The following ARHGEF7 variants were observed in gnomAD, a reference collection of about 807,000 sequenced individuals.
ARHGEF7 encodes the protein PAK-interacting exchange factor beta.
ARHGEF7 carries 33 observed loss-of-function variants against 109.8 expected under a neutral mutation model. The ratio of observed to expected loss-of-function variants is 0.30; its 90% confidence interval spans 0.23 to 0.40. The LOEUF is 0.40. Ranked by LOEUF, ARHGEF7 falls within the 10% of genes least tolerant of loss-of-function variation. ARHGEF7 has a pLI of 1.00. For synonymous variants in ARHGEF7, 458 were observed against 424.6 expected (o/e 1.08, Z -0.97); for missense variants, 938 against 1,098.5 (o/e 0.85, Z 2.07).
intron 8 of ARHGEF7, among the ~76,000 whole-genome samples, chr13:111,251,877 A>C (rs528645756): frequency 2.0e-5 from 3 of 152,296 alleles, no homozygotes; most frequent in Non-Finnish European, 4.4e-5. Flanking sequence ...GCATGCATTC[A>C]TTCTGTTTTT....
intron 6 of ARHGEF7, 150 bp from the exon 7 acceptor site, chr13:111,243,722 C>G: frequency 1.7e-6 from 1 of 587,588 alleles, no homozygotes; most frequent in South Asian, 2.4e-5. Context: ...TCAATAATTG[C>G]AAAGAATGAT....
Position 111,243,957 on chromosome 13 carries a change from C to T in ARHGEF7, c.845C>T (p.Thr282Ile), listed in dbSNP as rs1486881738. ...VLSTYLRPLQTSEKLSSANIS... is the reference protein window; with the variant it reads ...VLSTYLRPLQISEKLSSANIS... Reference sequence around the variant, plus strand: ...TCAACGTACCTACGGCCATTGCAGACCAGTGAGAAGTAAGTTAGATGATAA... The same window carrying T: ...TCAACGTACCTACGGCCATTGCAGATCAGTGAGAAGTAAGTTAGATGATAA... Residue 282 changes from threonine to isoleucine, a missense_variant, in exon 7 of 22, where the codon ACC (threonine) becomes ATC (isoleucine). Transcript: ENST00000646102. The T allele has an allele frequency of 6.2e-7, 1 of 1,609,970 alleles. No individual in the cohort carries two copies. The highest frequency in any genetic ancestry group is 1.7e-5 in the Admixed American group (1 of 59,822).
intron 5 of ARHGEF7, 78 bp from the exon 6 acceptor site, chr13:111,233,127 C>T (rs1483218345): frequency 4.7e-5 from 56 of 1,203,658 alleles, no homozygotes; most frequent in Non-Finnish European, 4.9e-6. Context: ...GGATGAGTAT[C>T]CTTGGCCTGT....
chr13:111,119,530 G>A (rs7319785), intron 1 of ARHGEF7, among the ~76,000 whole-genome samples: 3,068 of 152,270 alleles, frequency 0.02, 99 homozygotes, highest in African/African-American at 0.071. Flanking sequence ...GAGTCGTAAT[G>A]TCAGATATGG....
In ARHGEF7 at chr13:111,267,531, GT is replaced by G. The variant is rs766606237; in HGVS notation, c.951-16del. 9.9e-6 allele frequency: 16 copies of G among 1,613,258 alleles called. No individual in the cohort carries two copies. Among genetic ancestry groups the G allele is most frequent in the African/African-American group, 1.3e-5 (1 of 74,914 alleles). On this transcript the variant is annotated splice_polypyrimidine_tract_variant and intron_variant, in intron 8 of 21. Coordinates refer to ENST00000646102, the MANE Select transcript of ARHGEF7 (RefSeq NM_001354046.2). ...GTAAAACTGATGACTATTTCCCTTT[GT>G]GTCGCATTTCTCCAGGTTGCCCGAA...
chr13:111,141,503 C>G (rs1486550425), intron 1 of ARHGEF7, among the ~76,000 whole-genome samples: 1 of 152,160 alleles, frequency 6.6e-6, no homozygotes, highest in Non-Finnish European at 1.5e-5. Context: ...GGAACCTCTA[C>G]GTATTCAGCT....
At chr13:111,182,199 C>T (rs2078812724) in intron 2 of ARHGEF7, 1 of 152,270 alleles carries the variant, frequency 6.6e-6, no homozygotes, top group Non-Finnish European at 1.5e-5. Context: ...GTGCCGCCTC[C>T]ATACGACAGG....
chr13:111,138,886 T>C (rs1204801328), intron 1 of ARHGEF7, among the ~76,000 whole-genome samples: 1 of 152,168 alleles, frequency 6.6e-6, no homozygotes, highest in Non-Finnish European at 1.5e-5. Context: ...GAAGCTCCTT[T>C]TCTAGATGGT....
chr13:111,161,093 A>G (rs1162046014), intron 2 of ARHGEF7, among the ~76,000 whole-genome samples: 1 of 148,888 alleles, frequency 6.7e-6, no homozygotes, highest in Non-Finnish European at 1.5e-5. Context: ...TGCTCAACTG[A>G]TAACTATAAT....
intron 4 of ARHGEF7, among the ~76,000 whole-genome samples, chr13:111,211,726 GT>G (rs1337899727): frequency 6.6e-6 from 1 of 152,174 alleles, no homozygotes; most frequent in Non-Finnish European, 1.5e-5. Context: ...ATAGCACTTT[GT>G]AGTAGTTTTC....
intron 1 of ARHGEF7, among the ~76,000 whole-genome samples, chr13:111,117,141 T>G (rs1429159870): frequency 2.0e-5 from 3 of 152,250 alleles, no homozygotes; most frequent in Non-Finnish European, 4.4e-5. Context: ...AATAAAATTC[T>G]GTTCCATCCC....
intron 2 of ARHGEF7, among the ~76,000 whole-genome samples, chr13:111,166,297 G>A (rs552702115): frequency 1.3e-5 from 2 of 152,314 alleles, no homozygotes; most frequent in African/African-American, 4.8e-5. Context: ...AGTGAGGCCA[G>A]GGAGTCGTGG....
At chr13:111,247,512 C>A (rs2089083414) in intron 8 of ARHGEF7, among the ~76,000 whole-genome samples, 1 of 152,090 alleles carries the variant, frequency 6.6e-6, no homozygotes, top group South Asian at 2.1e-4. Context: ...CTCAAATGAA[C>A]CACCCGCCTC....
intron 16 of ARHGEF7, among the ~76,000 whole-genome samples, chr13:111,284,906 C>A (rs1432240424): frequency 6.6e-6 from 1 of 152,242 alleles, no homozygotes; most frequent in East Asian, 1.9e-4. Context: ...CTCTTCAAGG[C>A]TCTCCATCTC....
chr13:111,189,500 A>G (rs2079619845), intron 2 of ARHGEF7, among the ~76,000 whole-genome samples: 1 of 152,198 alleles, frequency 6.6e-6, no homozygotes, highest in African/African-American at 2.4e-5. Flanking sequence ...GACTTTAGGA[A>G]TGAAGCTGCA....
chr13:111,173,420 T>A (rs1470095943), intron 2 of ARHGEF7, among the ~76,000 whole-genome samples: 1 of 152,192 alleles, frequency 6.6e-6, no homozygotes, highest in Non-Finnish European at 1.5e-5. Context: ...TACCAGGAGT[T>A]TGACCAATTC....
intron 6 of ARHGEF7, among the ~76,000 whole-genome samples, chr13:111,240,402 T>C (rs1443244112): frequency 6.6e-6 from 1 of 152,244 alleles, no homozygotes; most frequent in Non-Finnish European, 1.5e-5. Flanking sequence ...TTCCGAGGTA[T>C]TGGTAAGGAC....
At chr13:111,164,146 T>G (rs1181477751) in intron 2 of ARHGEF7, among the ~76,000 whole-genome samples, 1 of 152,192 alleles carries the variant, frequency 6.6e-6, no homozygotes, top group Non-Finnish European at 1.5e-5. Flanking sequence ...TGTCTAGGCA[T>G]TTTCCTTGTA....
intron 1 of ARHGEF7, among the ~76,000 whole-genome samples, chr13:111,118,908 C>T (rs1048103500): frequency 2.8e-4 from 43 of 152,256 alleles, no homozygotes; most frequent in African/African-American, 9.1e-4. Context: ...GATGTGCTCC[C>T]GAGAACCCTG....
Sources: allele counts gnomAD v4.1 joint callset (sites outside exome capture counted in the v4.1 genomes callset), GRCh38; gene constraint gnomAD v4.1.1; transcripts MANE v1.5; gene names NCBI Gene and HGNC (gene_info 2026-07-23, HGNC 2026-07-21).